Variants in APP observed in about 807,000 individuals in gnomAD.
APP encodes the protein amyloid-beta precursor protein.
In APP, 31 loss-of-function variants were observed where a neutral mutation model predicts 101.4. The ratio of observed to expected loss-of-function variants is 0.31; its 90% CI spans 0.23 to 0.41. The LOEUF is 0.41. APP is among the 10% of genes least tolerant of loss of function. The probability of loss-of-function intolerance (pLI) is 1.00; values close to 1 mark genes in which losing one functional copy is unlikely to be tolerated. For synonymous variants in APP, 366 were observed against 364.4 expected, an observed-to-expected ratio of 1.00 and a Z score of -0.05; for missense variants, 839 against 1,003.7, an observed-to-expected ratio of 0.84 and a Z score of 2.22.
At chr21:26,163,750 G>A (rs2063548392) in intron 1 of APP, among the ~76,000 whole-genome samples, 1 of 152,020 alleles carries the variant, frequency 6.6e-6, no homozygotes, top group Non-Finnish European at 1.5e-5. Context: ...TTTTCCCTGC[G>A]TTCATCATCA....
At chr21:25,895,761 T>C (rs1469449713) in intron 16 of APP, among the ~76,000 whole-genome samples, 4 of 152,214 alleles carry the variant, frequency 2.6e-5, no homozygotes, top group South Asian at 2.1e-4. Flanking sequence ...TAAACAAATA[T>C]GCTAGCTCAA....
At chr21:26,072,443 T>A (rs1208027164) in intron 3 of APP, among the ~76,000 whole-genome samples, 2 of 152,208 alleles carry the variant, frequency 1.3e-5, no homozygotes, top group African/African-American at 4.8e-5. Flanking sequence ...TCTGTTTTTT[T>A]AAAAAAGATA....
chr21:26,087,583 T>C (rs1183197933), intron 3 of APP, among the ~76,000 whole-genome samples: 2 of 152,246 alleles, frequency 1.3e-5, no homozygotes, highest in Non-Finnish European at 2.9e-5. Context: ...TGGCAAAGCC[T>C]TGGCAGGAAT....
At chr21:26,081,693 T>C (rs1429050524) in intron 3 of APP, among the ~76,000 whole-genome samples, 2 of 152,222 alleles carry the variant, frequency 1.3e-5, no homozygotes, top group African/African-American at 4.8e-5. Context: ...CATGTAGCTG[T>C]GGAATACTAT....
At chr21:25,929,249 T>G (rs1240763936) in intron 13 of APP, among the ~76,000 whole-genome samples, 2 of 152,200 alleles carry the variant, frequency 1.3e-5, no homozygotes, top group Non-Finnish European at 2.9e-5. Context: ...TGTTATGACT[T>G]CACTGTGAGT....
intron 13 of APP, among the ~76,000 whole-genome samples, chr21:25,915,704 C>G (rs1416888252): frequency 9.2e-5 from 14 of 152,232 alleles, no homozygotes; most frequent in Non-Finnish European, 1.5e-4. Flanking sequence ...CATCTTAGCC[C>G]TTGGCAGTAA....
intron 13 of APP, among the ~76,000 whole-genome samples, chr21:25,944,855 G>A (rs2040736927): frequency 6.6e-6 from 1 of 152,134 alleles, no homozygotes; most frequent in Non-Finnish European, 1.5e-5. Flanking sequence ...TTCCATGCCA[G>A]GAAGTAGTTC....
intron 10 of APP, among the ~76,000 whole-genome samples, chr21:25,975,646 A>G (rs559564884): frequency 7.2e-5 from 11 of 152,348 alleles, no homozygotes; most frequent in African/African-American, 2.6e-4. Flanking sequence ...TCAAATTCTC[A>G]TAATTTTTGC....
intron 1 of APP, among the ~76,000 whole-genome samples, chr21:26,165,132 C>G (rs1242789369): frequency 2.0e-5 from 3 of 152,310 alleles, no homozygotes; most frequent in African/African-American, 7.2e-5. Flanking sequence ...AGACAACAAT[C>G]TGTCAATTTC....
At position 26,153,383 on chromosome 21, in the gene APP, A is replaced by T. The variant is rs574584110; in HGVS notation, c.57+17181T>A. ...GAAAAACAACAGAAAACACTGTTTT[A>T]AAAATGGTGGATTTTTTTAAGGTTA... On this transcript the variant is annotated intron_variant, in intron 1 of 17. Transcript: ENST00000346798. Among the ~76,000 whole-genome samples the T allele has an allele frequency of 1.1e-4, 16 of 152,364 alleles. 1 individual carries two copies. In the South Asian group the frequency reaches 3.1e-3, roughly 30 times the overall value.
chr21:25,958,572 G>A (rs1468954783), intron 11 of APP, among the ~76,000 whole-genome samples: 1 of 119,602 alleles, frequency 8.4e-6, no homozygotes, highest in Non-Finnish European at 1.8e-5. Context: ...ACCAGTGCAC[G>A]GCCAATTAAT....
At chr21:26,058,357 T>C (rs570940659) in intron 3 of APP, among the ~76,000 whole-genome samples, 2 of 152,294 alleles carry the variant, frequency 1.3e-5, no homozygotes, top group South Asian at 4.2e-4. Context: ...CAAGGGAATC[T>C]GTGAAAGTAT....
intron 13 of APP, among the ~76,000 whole-genome samples, chr21:25,949,012 AGAG>A (rs1463033072): frequency 6.6e-5 from 10 of 152,266 alleles, no homozygotes; most frequent in Non-Finnish European, 8.8e-5. Context: ...GTGATTTAAA[AGAG>A]GAGATTTTAT....
At chr21:26,159,175 G>T (rs1274680440) in intron 1 of APP, among the ~76,000 whole-genome samples, 2 of 152,072 alleles carry the variant, frequency 1.3e-5, no homozygotes, top group Non-Finnish European at 2.9e-5. Context: ...TGCCTCCCAG[G>T]TTCACACCAT....
intron 8 of APP, among the ~76,000 whole-genome samples, chr21:25,984,968 T>G (rs1368536044): frequency 1.3e-5 from 2 of 152,182 alleles, no homozygotes; most frequent in African/African-American, 2.4e-5. Flanking sequence ...TAAAACTTAC[T>G]ATATAAGAAG....
chr21:25,981,509 T>G (rs2073315516), intron 9 of APP, among the ~76,000 whole-genome samples: 1 of 152,282 alleles, frequency 6.6e-6, no homozygotes, highest in Non-Finnish European at 1.5e-5. Context: ...GTTGATTGAA[T>G]GAATGAATGA....
intron 15 of APP, among the ~76,000 whole-genome samples, chr21:25,903,124 T>C (rs1224675498): frequency 6.6e-6 from 1 of 152,040 alleles, no homozygotes; most frequent in Non-Finnish European, 1.5e-5. Flanking sequence ...CCCAGCACTT[T>C]GGGATGCCGA....
At chr21:26,130,780 A>G (rs1175761369) in intron 1 of APP, among the ~76,000 whole-genome samples, 2 of 152,194 alleles carry the variant, frequency 1.3e-5, no homozygotes, top group African/African-American at 2.4e-5. Context: ...CTATTTAGCA[A>G]TTTATATTTT....
At position 26,023,148 on chromosome 21, in the gene APP, C is replaced by T. The variant is rs115011506; in HGVS notation, c.663-1106G>A. Reference sequence around the variant, plus strand: ...TAGTTGCGTACCCTATGGTTACTAACTGCTTATGTTTTGTAGAAAACCAAA... The same window carrying T: ...TAGTTGCGTACCCTATGGTTACTAATTGCTTATGTTTTGTAGAAAACCAAA... On this transcript the variant is annotated intron_variant, in intron 5 of 17. Transcript: ENST00000346798. 4.4e-3 allele frequency among the ~76,000 whole-genome samples: 665 copies of T among 152,286 alleles called. 3 individuals are homozygous for T. Among genetic ancestry groups the T allele is most frequent in the African/African-American group, 0.015 (641 of 41,550 alleles).
Sources: gnomAD v4.1 joint callset for allele counts (sites outside exome capture counted in the v4.1 genomes callset) on GRCh38, gnomAD v4.1.1 for gene constraint, MANE v1.5 for transcripts, NCBI Gene and HGNC (gene_info 2026-07-23, HGNC 2026-07-21) for gene names.